The following PACRG variants were observed in gnomAD, a reference collection of about 807,000 sequenced individuals.
PACRG encodes parkin coregulated, also known as parkin coregulated gene protein.
Under a neutral mutation model 29.7 loss-of-function variants are expected in PACRG, and 29 were observed. That is an observed-to-expected ratio of 0.98 (90% CI 0.73 to 1.33). PACRG has a LOEUF of 1.33. Among genes scored for constraint, PACRG ranks in the 40% most tolerant of loss-of-function variants. The probability of loss-of-function intolerance (pLI) is 0.00; values close to 1 mark genes in which losing one functional copy is unlikely to be tolerated. For synonymous variants in PACRG, 116 were observed against 118.7 expected (o/e 0.98, Z 0.15); for missense variants, 279 against 316.2 (o/e 0.88, Z 0.89).
intron 2 of PACRG, among the ~76,000 whole-genome samples, chr6:162,931,192 G>C (rs1181972154): frequency 6.6e-6 from 1 of 151,662 alleles, no homozygotes; most frequent in Non-Finnish European, 1.5e-5. Context: ...TGATTTATGA[G>C]AGTTCTTTTT....
chr6:163,074,460 ATAGT>A lies in PACRG; in HGVS notation c.463+12143_463+12146del, dbSNP rs377043087. ...CGGGGATGGTTAGAAGGTACAAAAA[ATAGT>A]TAGAAATAGTACGACCTAGTATTTG... On this transcript the variant is annotated intron_variant, in intron 3 of 4. Coordinates refer to ENST00000366888, the MANE Select transcript of PACRG (RefSeq NM_001080379.2). Among the ~76,000 whole-genome samples the A allele has an allele frequency of 3.8e-3, 575 of 152,314 alleles. 4 individuals carry two copies. The highest frequency in any genetic ancestry group is 0.013 in the African/African-American group (535 of 41,558).
Position 163,079,890 on chromosome 6 carries a change from C to CTTTTTTTTTT in PACRG, c.464-9353_464-9344dup, listed in dbSNP as rs67162530. 5.0e-4 allele frequency among the ~76,000 whole-genome samples: 39 copies of CTTTTTTTTTT among 78,694 alleles called. 2 individuals carry two copies. Among genetic ancestry groups the CTTTTTTTTTT allele is most frequent in the African/African-American group, 1.2e-3 (23 of 18,460 alleles). The allele number at this position is 78,694 out of a possible 152,430, so 51.6% of individuals were successfully genotyped here. A position where few individuals can be genotyped will look rare whatever the true frequency, so the allele number is the denominator to read the frequency against. ...CAGAAGAAGAAATGTAGCAGTCATT[C>CTTTTTTTTTT]TTTTTTTTTTTTTTTTTTTTTTTTT... On this transcript the variant is annotated intron_variant, in intron 3 of 4. Coordinates refer to ENST00000366888, the MANE Select transcript of PACRG (RefSeq NM_001080379.2).
chr6:162,787,582 G>GTGTGTGTGTATA (rs1198197561), intron 1 of PACRG, among the ~76,000 whole-genome samples: 13 of 62,410 alleles, frequency 2.1e-4, no homozygotes, highest in African/African-American at 2.4e-4. Context: ...GTGTGTGTGT[G>GTGTGTGTGTATA]TATATATATA....
intron 4 of PACRG, among the ~76,000 whole-genome samples, chr6:163,186,953 G>A (rs1779968284): frequency 6.6e-6 from 1 of 152,146 alleles, no homozygotes; most frequent in African/African-American, 2.4e-5. Context: ...CGGGCTCTGC[G>A]CCATCAGCGC....
At chr6:162,793,139 A>G (rs1291305897) in intron 1 of PACRG, among the ~76,000 whole-genome samples, 1 of 152,200 alleles carries the variant, frequency 6.6e-6, no homozygotes, top group Non-Finnish European at 1.5e-5. Context: ...ACCATTTTAC[A>G]GTCCATTTTC....
intron 3 of PACRG, among the ~76,000 whole-genome samples, chr6:163,065,060 A>G (rs1394885056): frequency 6.6e-6 from 1 of 152,100 alleles, no homozygotes; most frequent in African/African-American, 2.4e-5. Context: ...TCTTTCTCCT[A>G]CTGCTGCTTG....
chr6:163,253,162 T>C (rs1055246979), intron 4 of PACRG, among the ~76,000 whole-genome samples: 34 of 151,806 alleles, frequency 2.2e-4, no homozygotes, highest in African/African-American at 8.0e-4. Flanking sequence ...TAGCCAGGCA[T>C]GGTGGCGTGT....
intron 2 of PACRG, among the ~76,000 whole-genome samples, chr6:162,895,907 T>C (rs1795129829): frequency 6.6e-6 from 1 of 152,242 alleles, no homozygotes; most frequent in Non-Finnish European, 1.5e-5. Context: ...ACTTTTTCTT[T>C]GTAGTGTTTA....
intron 2 of PACRG, among the ~76,000 whole-genome samples, chr6:163,026,089 A>G (rs868832686): frequency 6.6e-6 from 1 of 152,236 alleles, no homozygotes. Flanking sequence ...AGTTCAACCT[A>G]TACTATAAGA....
At chr6:163,146,210 C>A (rs1321386415) in intron 4 of PACRG, among the ~76,000 whole-genome samples, 1 of 152,136 alleles carries the variant, frequency 6.6e-6, no homozygotes, top group Non-Finnish European at 1.5e-5. Flanking sequence ...CCGTCGGTAG[C>A]CTTGTGTCCA....
chr6:163,133,928 A>G (rs901525088), intron 4 of PACRG, among the ~76,000 whole-genome samples: 1 of 152,208 alleles, frequency 6.6e-6, no homozygotes, highest in African/African-American at 2.4e-5. Flanking sequence ...CATACGTGCA[A>G]TCACTGAAAC....
chr6:163,068,566 T>C (rs1429871461), intron 3 of PACRG, among the ~76,000 whole-genome samples: 1 of 152,086 alleles, frequency 6.6e-6, no homozygotes, highest in Non-Finnish European at 1.5e-5. Context: ...TATGTGTTAC[T>C]TCTTTAACAG....
chr6:162,997,813 C>G (rs1337726607), intron 2 of PACRG, among the ~76,000 whole-genome samples: 1 of 152,216 alleles, frequency 6.6e-6, no homozygotes, highest in Non-Finnish European at 1.5e-5. Flanking sequence ...TATATGTCTT[C>G]TCTTCAGTGA....
chr6:162,880,913 C>T (rs899889477), intron 2 of PACRG, among the ~76,000 whole-genome samples: 5 of 152,324 alleles, frequency 3.3e-5, no homozygotes, highest in African/African-American at 9.6e-5. Context: ...TCGTTCAGGG[C>T]GTGGCAGCTG....
At chr6:163,301,457 G>A (rs1270029047) in intron 4 of PACRG, among the ~76,000 whole-genome samples, 3 of 152,110 alleles carry the variant, frequency 2.0e-5, no homozygotes, top group Admixed American at 2.0e-4. Flanking sequence ...ATGTAAGCAG[G>A]GTGCAAGGTA....
intron 4 of PACRG, among the ~76,000 whole-genome samples, chr6:163,244,737 T>C (rs533333028): frequency 6.6e-6 from 1 of 152,350 alleles, no homozygotes; most frequent in East Asian, 1.9e-4. Context: ...AACTAATTCT[T>C]CATTTTCATG....
At chr6:162,910,249 G>C (rs1033254589) in intron 2 of PACRG, among the ~76,000 whole-genome samples, 1 of 152,168 alleles carries the variant, frequency 6.6e-6, no homozygotes, top group Non-Finnish European at 1.5e-5. Context: ...AGGTCACACG[G>C]GTTCTAAAAT....
At chr6:162,947,616 A>ATGAT (rs1799296058) in intron 2 of PACRG, among the ~76,000 whole-genome samples, 1 of 28,296 alleles carries the variant, frequency 3.5e-5, no homozygotes, top group African/African-American at 1.6e-4. Context: ...ATAATCATAT[A>ATGAT]TATATATATA....
At chr6:163,147,901 G>C (rs987207226) in intron 4 of PACRG, among the ~76,000 whole-genome samples, 1 of 152,144 alleles carries the variant, frequency 6.6e-6, no homozygotes. Flanking sequence ...TGGACTCACA[G>C]AGACTCATTC....
Sources: allele counts gnomAD v4.1 joint callset (sites outside exome capture counted in the v4.1 genomes callset), GRCh38; gene constraint gnomAD v4.1.1; transcripts MANE v1.5; gene names NCBI Gene and HGNC (gene_info 2026-07-23, HGNC 2026-07-21).